MB21D2: variants seen among roughly 807,000 people sequenced by gnomAD.
MB21D2 encodes the protein Mab-21 domain containing 2.
In MB21D2, 9 loss-of-function variants were observed where a neutral mutation model predicts 33.3. The ratio of observed to expected loss-of-function variants is 0.27; its 90% confidence interval spans 0.16 to 0.47. The LOEUF (loss-of-function observed/expected upper bound fraction) is 0.47. Ranked by LOEUF, MB21D2 falls within the 20% of genes least tolerant of loss-of-function variation. The pLI, the probability that MB21D2 is intolerant of heterozygous loss-of-function variation, is 0.99. For missense variants in MB21D2, 540 were observed against 624.6 expected, an observed-to-expected ratio of 0.86 and a Z score of 1.44; for synonymous variants, 241 against 236.3, an observed-to-expected ratio of 1.02 and a Z score of -0.18.
At chr3:192,900,284 CAA>C (rs66984849) in intron 1 of MB21D2, among the ~76,000 whole-genome samples, 2,247 of 91,054 alleles carry the variant, frequency 0.025, 45 homozygotes, top group African/African-American at 0.072. Context: ...GACTCTGTCT[CAA>C]AAAAAAAAAA....
chr3:192,815,102 T>C (rs968289507), intron 1 of MB21D2, among the ~76,000 whole-genome samples: 2 of 152,220 alleles, frequency 1.3e-5, no homozygotes, highest in African/African-American at 4.8e-5. Flanking sequence ...TTAAAGGATG[T>C]TGTTTGAATA....
intron 1 of MB21D2, among the ~76,000 whole-genome samples, chr3:192,813,003 G>C (rs767807868): frequency 6.6e-6 from 1 of 152,122 alleles, no homozygotes; most frequent in African/African-American, 2.4e-5. Context: ...TACAATCTTA[G>C]AATAAAATCT....
At chr3:192,916,652 C>CA (rs1248466903) in intron 1 of MB21D2, among the ~76,000 whole-genome samples, 3 of 152,260 alleles carry the variant, frequency 2.0e-5, no homozygotes, top group Non-Finnish European at 2.9e-5. Context: ...CAAACTCACA[C>CA]TACACCTCAG....
chr3:192,802,800 A>G (rs1711585540), intron 1 of MB21D2, among the ~76,000 whole-genome samples: 2 of 152,366 alleles, frequency 1.3e-5, no homozygotes, highest in Middle Eastern at 3.4e-3. Context: ...TATTTCAAAC[A>G]TCCTTTCATT....
intron 1 of MB21D2, among the ~76,000 whole-genome samples, chr3:192,828,524 G>C (rs1285493660): frequency 1.4e-5 from 2 of 144,032 alleles, no homozygotes; most frequent in African/African-American, 5.1e-5. Flanking sequence ...GATTTGGACA[G>C]GTTGATATAT....
At chr3:192,879,409 T>C (rs1713511412) in intron 1 of MB21D2, among the ~76,000 whole-genome samples, 1 of 152,238 alleles carries the variant, frequency 6.6e-6, no homozygotes, top group Non-Finnish European at 1.5e-5. Flanking sequence ...CTCCCCAGCA[T>C]TAACCACGGG....
intron 1 of MB21D2, among the ~76,000 whole-genome samples, chr3:192,821,886 CTG>C (rs1712067278): frequency 6.6e-6 from 1 of 152,140 alleles, no homozygotes; most frequent in Admixed American, 6.5e-5. Context: ...AATTTCAAAA[CTG>C]TGCTCAATTT....
intron 1 of MB21D2, among the ~76,000 whole-genome samples, chr3:192,807,073 G>T (rs575399242): frequency 2.0e-5 from 3 of 151,976 alleles, no homozygotes; most frequent in Non-Finnish European, 4.4e-5. Flanking sequence ...CAGTGAACAG[G>T]GTTTGTTGGC....
chr3:192,909,893 G>C (rs1367416513), intron 1 of MB21D2, among the ~76,000 whole-genome samples: 4 of 131,564 alleles, frequency 3.0e-5, no homozygotes, highest in Non-Finnish European at 4.6e-5. Context: ...GATTGAGATC[G>C]GCCACTGCTC....
At chr3:192,833,751 C>A (rs1215349836) in intron 1 of MB21D2, among the ~76,000 whole-genome samples, 1 of 152,134 alleles carries the variant, frequency 6.6e-6, no homozygotes, top group Non-Finnish European at 1.5e-5. Flanking sequence ...TACTTTAGAG[C>A]GTGGGATAGT....
At chr3:192,873,767 G>T (rs1713369930) in intron 1 of MB21D2, among the ~76,000 whole-genome samples, 1 of 151,842 alleles carries the variant, frequency 6.6e-6, no homozygotes, top group Non-Finnish European at 1.5e-5. Flanking sequence ...CAGTGGGGAA[G>T]TCTCAGCTCA....
At chr3:192,827,723 A>G (rs953894297) in intron 1 of MB21D2, among the ~76,000 whole-genome samples, 1 of 26,104 alleles carries the variant, frequency 3.8e-5, no homozygotes, top group Non-Finnish European at 6.8e-5. Context: ...TTCTGTCTAC[A>G]CTTAGTGTCC....
chr3:192,850,262 G>A (rs1454022554), intron 1 of MB21D2, among the ~76,000 whole-genome samples: 1 of 152,060 alleles, frequency 6.6e-6, no homozygotes, highest in Non-Finnish European at 1.5e-5. Flanking sequence ...GACTAAGCTG[G>A]GACTTCTGAT....
At chr3:192,915,066 C>A (rs187989156) in intron 1 of MB21D2, among the ~76,000 whole-genome samples, 1 of 152,118 alleles carries the variant, frequency 6.6e-6, no homozygotes, top group Non-Finnish European at 1.5e-5. Flanking sequence ...AGGCTTGCAC[C>A]CAATTCGTGG....
chr3:192,900,478 T>C (rs1022703990), intron 1 of MB21D2, among the ~76,000 whole-genome samples: 13 of 152,142 alleles, frequency 8.5e-5, no homozygotes, highest in Middle Eastern at 6.8e-3. Context: ...CAGGGTCAAG[T>C]TGGAGAAGAA....
At chr3:192,861,769 C>T (rs1350580279) in intron 1 of MB21D2, among the ~76,000 whole-genome samples, 2 of 152,196 alleles carry the variant, frequency 1.3e-5, no homozygotes, top group Non-Finnish European at 2.9e-5. Context: ...CACGCCATTG[C>T]ACTCCAGCCT....
chr3:192,873,751 G>A (rs1020927055), intron 1 of MB21D2, among the ~76,000 whole-genome samples: 5 of 152,110 alleles, frequency 3.3e-5, no homozygotes, highest in African/African-American at 7.3e-5. Flanking sequence ...TCAACAGGCT[G>A]GAGTACAGTG....
At chr3:192,833,127 A>AC (rs5855463) in intron 1 of MB21D2, among the ~76,000 whole-genome samples, 10,480 of 151,998 alleles carry the variant, frequency 0.069, 1,209 homozygotes, top group African/African-American at 0.24. Context: ...TCACATTCAG[A>AC]CTAAACAACT....
chr3:192,871,200 C>G (rs1462944190), intron 1 of MB21D2, among the ~76,000 whole-genome samples: 3 of 152,148 alleles, frequency 2.0e-5, no homozygotes, highest in Admixed American at 2.0e-4. Context: ...CCCACCCCGC[C>G]CTTGTTGACA....
Sources: gnomAD v4.1 joint callset for allele counts (sites outside exome capture counted in the v4.1 genomes callset) on GRCh38, gnomAD v4.1.1 for gene constraint, MANE v1.5 for transcripts, NCBI Gene and HGNC (gene_info 2026-07-23, HGNC 2026-07-21) for gene names.